The following ZNF626 variants were observed in gnomAD, a reference collection of about 807,000 sequenced individuals.
ZNF626 encodes zinc finger protein 626.
A neutral mutation model predicts 11.7 loss-of-function variants in ZNF626; 4 were observed. The ratio of observed to expected loss-of-function variants is 0.34; its 90% CI spans 0.17 to 0.78. The LOEUF is 0.78. Among genes scored for constraint, ZNF626 ranks in the 30% least tolerant of loss-of-function variants. The pLI is 0.57. For missense variants in ZNF626, 588 were observed against 587.1 expected, an observed-to-expected ratio of 1.00 and a Z score of -0.01; for synonymous variants, 179 against 198.6, an observed-to-expected ratio of 0.90 and a Z score of 0.83.
chr19:20,653,943 C>T (rs1198806805), intron 1 of ZNF626, among the ~76,000 whole-genome samples: 2 of 152,110 alleles, frequency 1.3e-5, no homozygotes, highest in Non-Finnish European at 2.9e-5. Flanking sequence ...CAGCAGCATA[C>T]AAATTTAGTG....
intron 1 of ZNF626, among the ~76,000 whole-genome samples, chr19:20,655,056 G>A (rs1970189960): frequency 6.6e-6 from 1 of 151,744 alleles, no homozygotes; most frequent in African/African-American, 2.4e-5. Context: ...CAGTTGTAGG[G>A]AGCAGAGATC....
chr19:20,620,352 TTTC>T lies in ZNF626; in HGVS notation c.*3935_*3937del, dbSNP rs1243749110. ...ACTTATTTTGTTCCAATAATTGCGT[TTTC>T]TTCTGAAAATATGTACAAATGCATA... On this transcript the variant is annotated 3_prime_UTR_variant, in exon 4 of 4. Coordinates refer to ENST00000601440, the MANE Select transcript of ZNF626 (RefSeq NM_001076675.3). 1 of 152,194 alleles carries T rather than the reference TTTC, an allele frequency of 6.6e-6. No individual in the cohort carries two copies. The highest frequency in any genetic ancestry group is 1.5e-5 in the Non-Finnish European group (1 of 68,030). The allele number at this position is 152,194 out of a possible 1,614,324, so 9.4% of individuals were successfully genotyped here.
intron 1 of ZNF626, among the ~76,000 whole-genome samples, chr19:20,651,258 A>G (rs1970143206): frequency 6.6e-6 from 1 of 151,938 alleles, no homozygotes; most frequent in Non-Finnish European, 1.5e-5. Flanking sequence ...TACAGACATC[A>G]GAAGTCACAA....
At position 20,622,841 on chromosome 19, in the gene ZNF626, T is replaced by A. The variant is rs1469678417; in HGVS notation, c.*1449A>T. 6.6e-6 allele frequency: 1 copy of A among 152,172 alleles called. No individual in the cohort carries two copies. Among genetic ancestry groups the A allele is most frequent in the African/African-American group, 2.4e-5 (1 of 41,462 alleles). 9.4% of individuals were successfully genotyped at this position (152,172 alleles called of 1,614,324 possible). ...TAATTTTGAATTAAATATTTTTTCA[T>A]GTTTACTGCATCTGCAAAAATATAT... is the stretch of plus-strand genomic sequence containing the variant. On this transcript the variant is annotated 3_prime_UTR_variant, in exon 4 of 4. Coordinates refer to ENST00000601440, the MANE Select transcript of ZNF626 (RefSeq NM_001076675.3).
chr19:20,642,839 C>A (rs1449211010), intron 3 of ZNF626, among the ~76,000 whole-genome samples: 1 of 151,864 alleles, frequency 6.6e-6, no homozygotes, highest in Non-Finnish European at 1.5e-5. Flanking sequence ...TGATGAAACC[C>A]CATCTCTACT....
intron 1 of ZNF626, among the ~76,000 whole-genome samples, chr19:20,659,053 T>C (rs1555773423): frequency 6.6e-6 from 1 of 151,886 alleles, no homozygotes; most frequent in Non-Finnish European, 1.5e-5. Context: ...TCCTGGAAAA[T>C]ATTTGTGATT....
intron 3 of ZNF626, among the ~76,000 whole-genome samples, chr19:20,644,224 T>G (rs1970051791): frequency 2.0e-5 from 3 of 152,208 alleles, no homozygotes; most frequent in African/African-American, 7.2e-5. Context: ...ACCCACACAG[T>G]TACCTGAGGA....
chr19:20,641,979 C>A (rs781836314), intron 3 of ZNF626, among the ~76,000 whole-genome samples: 1 of 151,332 alleles, frequency 6.6e-6, no homozygotes, highest in Non-Finnish European at 1.5e-5. Context: ...AAATTACCTT[C>A]AAATCACAAA....
chr19:20,625,360 A>G lies in ZNF626; in HGVS notation c.517T>C (p.Phe173Leu), dbSNP rs369264219. 3 of 1,613,942 alleles carry G rather than the reference A, an allele frequency of 1.9e-6. No homozygotes were observed. Among genetic ancestry groups the G allele is most frequent in the Non-Finnish European group, 2.5e-6 (3 of 1,180,016 alleles). ...GCTTTGCCACATTCTATATATTTGA[A>G]AGGTTTTTTCCCAGTATGTCCTCTC... ...QKRGHTGKKP[F>L]KYIECGKAFK... is the part of the protein sequence containing the mutation. Residue 173 changes from phenylalanine (F) to leucine (L), a missense_variant, in exon 4 of 4, where the codon TTC becomes CTC. Phe to Leu is a conservative substitution (Grantham distance 22, BLOSUM62 0). Around this residue, in one of 4 missense-constraint regions of ZNF626, gnomAD observed 524 missense variants for 470.1 expected, o/e 1.11. Coordinates refer to ENST00000601440, the MANE Select transcript of ZNF626 (RefSeq NM_001076675.3).
chr19:20,632,602 C>T (rs1365395339), intron 3 of ZNF626, among the ~76,000 whole-genome samples: 2 of 152,186 alleles, frequency 1.3e-5, no homozygotes, highest in Admixed American at 6.5e-5. Flanking sequence ...CTTCTGCATT[C>T]GTCACATAGC....
At position 20,645,752 on chromosome 19, in the gene ZNF626, A is replaced by G; in HGVS notation, c.158T>C (p.Ile53Thr). ...TTTTCTTCCTTGCTCCAGACAGGTG[A>G]TCAGGTCTGGCTTAGAAACAGTAAT... ...LGITVSKPDL[I>T]TCLEQGRKPL... is the part of the protein sequence containing the mutation. Residue 53 changes from isoleucine to threonine, a missense_variant, in exon 3 of 4, where the codon ATC becomes ACC. Ile to Thr is a moderately conservative substitution (Grantham distance 89). Transcript: ENST00000601440. 6.2e-7 allele frequency: 1 copy of G among 1,611,046 alleles called. No individual in the cohort carries two copies. Among genetic ancestry groups the G allele is most frequent in the Non-Finnish European group, 8.5e-7 (1 of 1,179,306 alleles).
At chr19:20,637,393 G>A (rs916130961) in intron 3 of ZNF626, among the ~76,000 whole-genome samples, 1 of 150,698 alleles carries the variant, frequency 6.6e-6, no homozygotes, top group East Asian at 2.0e-4. Context: ...GCTGAGGCAG[G>A]AGAATCACTT....
Position 20,645,661 on chromosome 19 carries a change from TATTC to T in ZNF626, c.226+19_226+22del. 6.2e-7 allele frequency: 1 copy of T among 1,602,440 alleles called. No individual in the cohort carries two copies. Among genetic ancestry groups the T allele is most frequent in the Non-Finnish European group, 8.5e-7 (1 of 1,176,334 alleles). On this transcript the variant is annotated intron_variant, in intron 3 of 3. Coordinates refer to ENST00000601440, the MANE Select transcript of ZNF626 (RefSeq NM_001076675.3). ...GACCCCTTATCTGTGTCATCTGTTG[TATTC>T]ATTTTCACTCACACCTACCTGAGGG...
chr19:20,657,231 C>T (rs185648974), intron 1 of ZNF626, among the ~76,000 whole-genome samples: 1 of 152,044 alleles, frequency 6.6e-6, no homozygotes, highest in East Asian at 1.9e-4. Context: ...GAAAAATTGG[C>T]CAGGCATGGT....
In ZNF626 at chr19:20,661,548, G is replaced by T. The variant is rs567553206; in HGVS notation, c.-102C>A. 3 of 1,337,626 alleles carry T rather than the reference G, an allele frequency of 2.2e-6. No homozygotes were observed. The highest frequency in any genetic ancestry group is 2.1e-6 in the Non-Finnish European group (2 of 957,008). 82.9% of individuals were successfully genotyped at this position (1,337,626 alleles called of 1,614,324 possible). A position where few individuals can be genotyped will look rare whatever the true frequency, so the allele number is the denominator to read the frequency against. On this transcript the variant is annotated 5_prime_UTR_variant, in exon 1 of 4. Transcript: ENST00000601440. ...GGCCTTTAGGAGAAGAACCAGACCTGGAGCTCTGACTGCAGCGAGAGACAA... is the reference window on the plus strand; with the variant it reads ...GGCCTTTAGGAGAAGAACCAGACCTTGAGCTCTGACTGCAGCGAGAGACAA...
At position 20,620,615 on chromosome 19, in the gene ZNF626, A is replaced by C. The variant is rs2033276; in HGVS notation, c.*3675T>G. ...GTCACCCAGGCTGGAGTGCAGCAGCACAATCTTGGCTCACTGCAATCTCCA... is the reference window on the plus strand; with the variant it reads ...GTCACCCAGGCTGGAGTGCAGCAGCCCAATCTTGGCTCACTGCAATCTCCA... On this transcript the variant is annotated 3_prime_UTR_variant, in exon 4 of 4. Transcript: ENST00000601440. The C allele has an allele frequency of 2.0e-5, 3 of 151,718 alleles. No individual in the cohort carries two copies. Among genetic ancestry groups the C allele is most frequent in the African/African-American group, 7.3e-5 (3 of 41,220 alleles). The allele number at this position is 151,718 out of a possible 1,614,324, so 9.4% of individuals were successfully genotyped here.
At position 20,635,264 on chromosome 19, in the gene ZNF626, T is replaced by C. The variant is rs1969953877; in HGVS notation, c.227-9614A>G. Among the ~76,000 whole-genome samples the C allele has an allele frequency of 2.0e-5, 3 of 152,298 alleles. No individual in the cohort carries two copies. The South Asian group carries it at 6.2e-4, about 32-fold the overall frequency. ...GTTTAATGTGTAGTGAGATTTAGCT[T>C]TGCAAGATAAAAACATTCTAGTGAT... On this transcript the variant is annotated intron_variant, in intron 3 of 3. Coordinates refer to ENST00000601440, the MANE Select transcript of ZNF626 (RefSeq NM_001076675.3).
At chr19:20,653,221 T>C (rs1350896875) in intron 1 of ZNF626, among the ~76,000 whole-genome samples, 2 of 152,160 alleles carry the variant, frequency 1.3e-5, no homozygotes, top group Non-Finnish European at 2.9e-5. Context: ...TTCTAGACTG[T>C]TTGGAAACAA....
At chr19:20,645,187 CA>C in intron 3 of ZNF626, 1 of 1,115,608 alleles carries the variant, frequency 9.0e-7, no homozygotes, top group Non-Finnish European at 1.1e-6. Flanking sequence ...GTCATAATTT[CA>C]AACTATATAT....
Sources: gnomAD v4.1 joint callset for allele counts (sites outside exome capture counted in the v4.1 genomes callset) on GRCh38, gnomAD v4.1.1 for gene constraint, gnomAD v4.1.1 regional missense constraint, MANE v1.5 for transcripts, NCBI Gene and HGNC (gene_info 2026-07-23, HGNC 2026-07-21) for gene names.